The following MAML1 variants were observed in gnomAD, a reference collection of about 807,000 sequenced individuals.
MAML1 encodes the protein mastermind-like protein 1.
MAML1 carries 14 observed loss-of-function variants against 77.1 expected under a neutral mutation model. The ratio of observed to expected loss-of-function variants is 0.18; its 90% CI spans 0.12 to 0.28. MAML1 has a LOEUF of 0.28. Among genes scored for constraint, MAML1 ranks in the 10% least tolerant of loss-of-function variants. The pLI, the probability that MAML1 is intolerant of heterozygous loss-of-function variation, is 1.00. For missense variants in MAML1, 1,217 were observed against 1,327.8 expected (o/e 0.92, Z 1.30); for synonymous variants, 516 against 551.9 (o/e 0.93, Z 0.91).
chr5:179,772,934 A>G (rs1562578023), intron 4 of MAML1, among the ~76,000 whole-genome samples: 1 of 152,182 alleles, frequency 6.6e-6, no homozygotes, highest in Non-Finnish European at 1.5e-5. Context: ...TCTTTCGCCT[A>G]GGCTGGAGTG....
At chr5:179,734,246 A>T (rs1259519117) in intron 1 of MAML1, among the ~76,000 whole-genome samples, 1 of 152,168 alleles carries the variant, frequency 6.6e-6, no homozygotes, top group Non-Finnish European at 1.5e-5. Flanking sequence ...CTAATTTGTT[A>T]TGTGTATTTT....
intron 1 of MAML1, among the ~76,000 whole-genome samples, chr5:179,751,691 C>A (rs539953650): frequency 1.6e-4 from 24 of 151,572 alleles, no homozygotes; most frequent in African/African-American, 5.3e-4. Flanking sequence ...GGTGACAGAG[C>A]GAGACTCCAT....
chr5:179,747,731 A>G (rs1336286926), intron 1 of MAML1, among the ~76,000 whole-genome samples: 2 of 136,738 alleles, frequency 1.5e-5, no homozygotes, highest in African/African-American at 5.5e-5. Flanking sequence ...AATGGCGTGA[A>G]CCCCGGGAGG....
chr5:179,733,082 CCCCGGG>C lies in MAML1; in HGVS notation c.-25_-20del. On this transcript the variant is annotated 5_prime_UTR_variant, in exon 1 of 5. Coordinates refer to ENST00000292599, the MANE Select transcript of MAML1 (RefSeq NM_014757.5). The stretch of plus-strand genomic sequence containing the variant: ...TGCCAGCCGGCCCCGAGAGGCCCGG[CCCCGGG>C]CCCGGCCCGTGCAGCCCGCGGCCCA... 7.8e-7 allele frequency: 1 copy of C among 1,274,310 alleles called. No homozygotes were observed. The highest frequency in any genetic ancestry group is 2.2e-5 in the South Asian group (1 of 46,060). 78.9% of individuals were successfully genotyped at this position (1,274,310 alleles called of 1,614,324 possible). A position where few individuals can be genotyped will look rare whatever the true frequency, so the allele number is the denominator to read the frequency against.
Position 179,768,793 on chromosome 5 carries a change from G to A in MAML1, c.1732-57G>A, listed in dbSNP as rs375805286. 1.4e-5 allele frequency: 22 copies of A among 1,590,446 alleles called. No homozygotes were observed. In the African/African-American group the frequency reaches 2.3e-4, roughly 17 times the overall value. On this transcript the variant is annotated intron_variant, in intron 2 of 4. Coordinates refer to ENST00000292599, the MANE Select transcript of MAML1 (RefSeq NM_014757.5). ...GTGAACCTTGAATTCACTGGATGGA[G>A]CTTATTTGGTCTGATCAGAGCTTAG...
At position 179,751,519 on chromosome 5, in the gene MAML1, G is replaced by T. The variant is rs773526286; in HGVS notation, c.316-13807G>T. On this transcript the variant is annotated intron_variant, in intron 1 of 4. Transcript: ENST00000292599. ...GTCAAGTTCGAGACCACCCTGGCCA[G>T]CATGGCGAAAGCCCGTCTCTACTAA... Among the ~76,000 whole-genome samples the T allele has an allele frequency of 8.5e-4, 129 of 152,074 alleles. 1 individual carries two copies. The highest frequency in any genetic ancestry group is 1.6e-3 in the Non-Finnish European group (110 of 68,020).
chr5:179,750,452 G>T (rs887279744), intron 1 of MAML1, among the ~76,000 whole-genome samples: 1 of 94,806 alleles, frequency 1.1e-5, no homozygotes, highest in Non-Finnish European at 2.2e-5. Flanking sequence ...GGCTCAGTCA[G>T]CTCTCAATAG....
chr5:179,732,853 C>T lies in MAML1; in HGVS notation c.-260C>T. ...CCCGAAAACAATTTTAAGATGGCGGCCGCGGCGGTAGCGCGGAAAACAATG... is the reference window on the plus strand; with the variant it reads ...CCCGAAAACAATTTTAAGATGGCGGTCGCGGCGGTAGCGCGGAAAACAATG... On this transcript the variant is annotated 5_prime_UTR_variant, in exon 1 of 5. Transcript: ENST00000292599. 1 of 235,480 alleles carries T rather than the reference C, an allele frequency of 4.2e-6. No homozygotes were observed. Among genetic ancestry groups the T allele is most frequent in the Non-Finnish European group, 8.1e-6 (1 of 122,822 alleles). The allele number at this position is 235,480 out of a possible 1,614,324, so 14.6% of individuals were successfully genotyped here.
rs1047610099 is a variant in MAML1, at chr5:179,733,030, G to A, written c.-83G>A. On this transcript the variant is annotated 5_prime_UTR_variant, in exon 1 of 5. Transcript: ENST00000292599. ...ATGGCGCGGCCGTGAGGCGGAGAGG[G>A]GTAGCCGCGGGGAGCGAAGCCCGCA... The A allele has an allele frequency of 3.5e-6, 3 of 869,510 alleles. No homozygotes were observed. The highest frequency in any genetic ancestry group is 4.5e-6 in the Non-Finnish European group (3 of 663,496). The allele number at this position is 869,510 out of a possible 1,614,324, so 53.9% of individuals were successfully genotyped here.
At chr5:179,759,489 T>G (rs1779685263) in intron 1 of MAML1, among the ~76,000 whole-genome samples, 1 of 152,212 alleles carries the variant, frequency 6.6e-6, no homozygotes, top group African/African-American at 2.4e-5. Flanking sequence ...AAGTCAGGAC[T>G]TCTTCCTACA....
chr5:179,739,569 A>G (rs538073985), intron 1 of MAML1, among the ~76,000 whole-genome samples: 1 of 152,166 alleles, frequency 6.6e-6, no homozygotes, highest in Non-Finnish European at 1.5e-5. Context: ...CTGTATTCTC[A>G]GCTCCTCGGG....
At chr5:179,756,867 C>A (rs547813026) in intron 1 of MAML1, among the ~76,000 whole-genome samples, 1 of 152,158 alleles carries the variant, frequency 6.6e-6, no homozygotes, top group East Asian at 1.9e-4. Context: ...AAGGATTGAC[C>A]CATGCACTGA....
At chr5:179,752,985 C>A (rs529957133) in intron 1 of MAML1, among the ~76,000 whole-genome samples, 1 of 152,232 alleles carries the variant, frequency 6.6e-6, no homozygotes, top group Non-Finnish European at 1.5e-5. Flanking sequence ...GTTGGCCAGG[C>A]TGGTCTTGAA....
intron 1 of MAML1, among the ~76,000 whole-genome samples, chr5:179,764,189 A>G (rs1016926619): frequency 2.0e-5 from 3 of 152,122 alleles, no homozygotes; most frequent in African/African-American, 7.2e-5. Context: ...ATGTCCTGAA[A>G]GCCCACCCGA....
At chr5:179,744,388 T>C (rs762588247) in intron 1 of MAML1, among the ~76,000 whole-genome samples, 2 of 152,126 alleles carry the variant, frequency 1.3e-5, no homozygotes, top group Non-Finnish European at 2.9e-5. Flanking sequence ...GGTTTCACAA[T>C]GTTGGCCAGG....
Position 179,753,006 on chromosome 5 carries a change from C to G in MAML1, c.316-12320C>G, listed in dbSNP as rs867858952. 2.6e-5 allele frequency among the ~76,000 whole-genome samples: 4 copies of G among 152,284 alleles called. No homozygotes were observed. The Middle Eastern group carries it at 0.01, about 388-fold the overall frequency. Reference sequence around the variant, plus strand: ...CAGGCTGGTCTTGAACTCCTGACCTCAGGTGATCCGCCCGTCTTGGCCTCC... The same window carrying G: ...CAGGCTGGTCTTGAACTCCTGACCTGAGGTGATCCGCCCGTCTTGGCCTCC... On this transcript the variant is annotated intron_variant, in intron 1 of 4. Transcript: ENST00000292599.
chr5:179,740,747 G>A (rs1338224606), intron 1 of MAML1, among the ~76,000 whole-genome samples: 1 of 152,160 alleles, frequency 6.6e-6, no homozygotes, highest in Admixed American at 6.5e-5. Context: ...GTTCCTGAGG[G>A]CAGAGGTGAC....
chr5:179,743,918 T>C (rs1165412475), intron 1 of MAML1, among the ~76,000 whole-genome samples: 1 of 152,184 alleles, frequency 6.6e-6, no homozygotes, highest in Non-Finnish European at 1.5e-5. Flanking sequence ...CAGAGAATTA[T>C]AAATATTATC....
chr5:179,751,834 A>G (rs1198383471), intron 1 of MAML1, among the ~76,000 whole-genome samples: 1 of 151,836 alleles, frequency 6.6e-6, no homozygotes, highest in Non-Finnish European at 1.5e-5. Context: ...CAGCATGGCA[A>G]AACCCCATCT....
Sources: allele counts gnomAD v4.1 joint callset (sites outside exome capture counted in the v4.1 genomes callset), GRCh38; gene constraint gnomAD v4.1.1; transcripts MANE v1.5; gene names NCBI Gene and HGNC (gene_info 2026-07-23, HGNC 2026-07-21).